SPAG16: variants seen among roughly 807,000 people sequenced by gnomAD.
SPAG16 encodes the protein sperm-associated antigen 16 protein.
Under a neutral mutation model 80.4 loss-of-function variants are expected in SPAG16, and 86 were observed. That is an observed-to-expected ratio of 1.07 (90% CI 0.90 to 1.28). The LOEUF (loss-of-function observed/expected upper bound fraction) is 1.28. Among genes scored for constraint, SPAG16 ranks in the 50% most tolerant of loss-of-function variants. SPAG16 has a pLI of 0.00. For synonymous variants in SPAG16, 294 were observed against 265.9 expected (o/e 1.11, Z -1.03); for missense variants, 870 against 765.3 (o/e 1.14, Z -1.61).
intron 15 of SPAG16, among the ~76,000 whole-genome samples, chr2:214,307,567 T>C (rs1695005903): frequency 6.6e-6 from 1 of 151,668 alleles, no homozygotes; most frequent in African/African-American, 2.4e-5. Context: ...GCCTTAGCTG[T>C]GTCCCAGAGA....
chr2:213,815,474 C>G (rs547937137), intron 10 of SPAG16, among the ~76,000 whole-genome samples: 7 of 152,240 alleles, frequency 4.6e-5, no homozygotes, highest in African/African-American at 1.4e-4. Flanking sequence ...AGGTAAATTA[C>G]ATCTCAATAA....
intron 7 of SPAG16, among the ~76,000 whole-genome samples, chr2:213,359,364 T>A (rs58853937): frequency 0.074 from 11,296 of 152,138 alleles, 1,381 homozygotes; most frequent in African/African-American, 0.25. Flanking sequence ...TTTGTTCAGC[T>A]ATGCCCTGCC....
At chr2:213,880,959 T>G (rs1241224766) in intron 11 of SPAG16, among the ~76,000 whole-genome samples, 1 of 152,194 alleles carries the variant, frequency 6.6e-6, no homozygotes, top group African/African-American at 2.4e-5. Context: ...AGGCTCTTTT[T>G]TGGTTCCGCA....
intron 3 of SPAG16, among the ~76,000 whole-genome samples, chr2:213,306,744 T>C (rs1366793568): frequency 1.3e-5 from 2 of 152,082 alleles, no homozygotes; most frequent in Non-Finnish European, 2.9e-5. Context: ...TATTTTCGAA[T>C]GTAAAAAATT....
In SPAG16 at chr2:214,162,376, C is replaced by T. The variant is rs144330706; in HGVS notation, c.1720+13110C>T. 7.8e-3 allele frequency among the ~76,000 whole-genome samples: 1,190 copies of T among 152,230 alleles called. 4 individuals are homozygous for T. The highest frequency in any genetic ancestry group is 0.013 in the Non-Finnish European group (917 of 67,990). On this transcript the variant is annotated intron_variant, in intron 15 of 15. Coordinates refer to ENST00000331683, the MANE Select transcript of SPAG16 (RefSeq NM_024532.5). ...GTCATAGCAAGTTATAAACCAAGTA[C>T]AAAACCACTGAGATGGGGACATATA...
intron 10 of SPAG16, among the ~76,000 whole-genome samples, chr2:213,860,428 T>TATATTTATAGATATATGTATATATATA (rs1559529239): frequency 4.5e-4 from 24 of 53,230 alleles, no homozygotes; most frequent in Non-Finnish European, 9.9e-4. Flanking sequence ...TGTGTGTATA[T>TATATTTATAGATATATGTATATATATA]CTATATATTT....
At chr2:213,951,374 T>A (rs554211200) in intron 12 of SPAG16, among the ~76,000 whole-genome samples, 1 of 152,210 alleles carries the variant, frequency 6.6e-6, no homozygotes, top group East Asian at 1.9e-4. Context: ...ATAGCAAAAG[T>A]AATAGAATAT....
chr2:214,313,036 A>G (rs1053719238), intron 15 of SPAG16, among the ~76,000 whole-genome samples: 38 of 152,248 alleles, frequency 2.5e-4, no homozygotes, highest in African/African-American at 9.1e-4. Flanking sequence ...ACAGGAAGAA[A>G]ACCAACAAAG....
At position 213,930,019 on chromosome 2, in the gene SPAG16, A is replaced by C. The variant is rs12623569; in HGVS notation, c.1274A>C (p.Lys425Thr). 0.26 allele frequency: 424,952 copies of C among 1,613,630 alleles called. 57,836 individuals carry two copies. The highest frequency in any genetic ancestry group is 0.41 in the East Asian group (18,197 of 44,862). Residue 425 changes from lysine (K) to threonine (T), a missense_variant, in exon 12 of 16, where the codon AAA becomes ACA. Coordinates refer to ENST00000331683, the MANE Select transcript of SPAG16 (RefSeq NM_024532.5). ...ACAGTTAAATTATGGGATCTATGTA[A>C]AGGCGATTGCATTTTGACCTTTGAA... is the stretch of plus-strand genomic sequence containing the variant. ...DTTVKLWDLC[K>T]GDCILTFEGH...
At chr2:213,356,856 G>T (rs1226251721) in intron 7 of SPAG16, among the ~76,000 whole-genome samples, 2 of 152,124 alleles carry the variant, frequency 1.3e-5, no homozygotes, top group African/African-American at 4.8e-5. Context: ...GTTGATTTTA[G>T]ATCTTTCCTG....
At chr2:214,319,980 C>A (rs373357588) in intron 15 of SPAG16, among the ~76,000 whole-genome samples, 1 of 152,182 alleles carries the variant, frequency 6.6e-6, no homozygotes, top group African/African-American at 2.4e-5. Context: ...TACTCTAGCA[C>A]CATCTCTAGT....
chr2:213,876,215 A>G (rs2076134369), intron 11 of SPAG16, among the ~76,000 whole-genome samples: 1 of 151,918 alleles, frequency 6.6e-6, no homozygotes, highest in Non-Finnish European at 1.5e-5. Context: ...AAATGTAGGT[A>G]CATAACTTTT....
intron 10 of SPAG16, among the ~76,000 whole-genome samples, chr2:213,804,720 AC>A (rs2071652294): frequency 6.6e-6 from 1 of 151,892 alleles, no homozygotes; most frequent in Non-Finnish European, 1.5e-5. Flanking sequence ...TAACTAACTA[AC>A]TAACTAACTA....
rs114223940 is a variant in SPAG16 at position 214,259,679 on chromosome 2, C to T, written c.1720+110413C>T. Reference sequence around the variant, plus strand: ...GTTTATTTTGTTTTGTTTTCGTCTCCGGTTCCTTTGTGTAGCTTTGTTTTT... The same window carrying T: ...GTTTATTTTGTTTTGTTTTCGTCTCTGGTTCCTTTGTGTAGCTTTGTTTTT... On this transcript the variant is annotated intron_variant, in intron 15 of 15. Coordinates refer to ENST00000331683, the MANE Select transcript of SPAG16 (RefSeq NM_024532.5). Among the ~76,000 whole-genome samples, 790 of 151,814 alleles carry T rather than the reference C, an allele frequency of 5.2e-3. 6 individuals are homozygous for T. The highest frequency in any genetic ancestry group is 0.018 in the African/African-American group (747 of 41,406).
At chr2:214,049,317 G>A (rs1035077250) in intron 13 of SPAG16, among the ~76,000 whole-genome samples, 6 of 152,098 alleles carry the variant, frequency 3.9e-5, no homozygotes, top group African/African-American at 9.7e-5. Context: ...CTCCTTTTCC[G>A]TCAATATTTG....
chr2:213,754,681 A>G (rs1277488248), intron 10 of SPAG16, among the ~76,000 whole-genome samples: 3 of 121,742 alleles, frequency 2.5e-5, no homozygotes, highest in Non-Finnish European at 5.3e-5. Flanking sequence ...TACATTAGTC[A>G]AAATGAAATA....
At chr2:213,519,776 AT>A (rs779660191) in intron 10 of SPAG16, among the ~76,000 whole-genome samples, 1 of 151,800 alleles carries the variant, frequency 6.6e-6, no homozygotes, top group Non-Finnish European at 1.5e-5. Context: ...CAAAAAAAAA[AT>A]GAAAGCACAC....
intron 9 of SPAG16, among the ~76,000 whole-genome samples, chr2:213,395,276 A>G (rs2067973384): frequency 1.3e-5 from 2 of 151,536 alleles, no homozygotes; most frequent in South Asian, 4.2e-4. Flanking sequence ...TGGGTTTATT[A>G]TGTTCTTCCT....
At chr2:213,396,550 C>T (rs754885966) in intron 9 of SPAG16, 162 of 426,044 alleles carry the variant, frequency 3.8e-4, no homozygotes, top group Admixed American at 2.8e-4. Context: ...GAGCTCAGTG[C>T]GAGAACAGCC....
Sources: gnomAD v4.1 joint callset for allele counts (sites outside exome capture counted in the v4.1 genomes callset) on GRCh38, gnomAD v4.1.1 for gene constraint, MANE v1.5 for transcripts, NCBI Gene and HGNC (gene_info 2026-07-23, HGNC 2026-07-21) for gene names.